The following RUNDC3B variants were observed in gnomAD, a reference collection of about 807,000 sequenced individuals.
The protein encoded by RUNDC3B is RUN domain containing 3B.
In RUNDC3B, 33 loss-of-function variants were observed where a neutral mutation model predicts 58.4. That is an observed-to-expected ratio of 0.56 (90% confidence interval 0.43 to 0.75). The LOEUF is 0.75. RUNDC3B is among the 30% of genes least tolerant of loss of function. RUNDC3B has a pLI of 0.00. For synonymous variants in RUNDC3B, 193 were observed against 195.2 expected, an observed-to-expected ratio of 0.99 and a Z score of 0.10; for missense variants, 501 against 535.7, an observed-to-expected ratio of 0.94 and a Z score of 0.64.
intron 8 of RUNDC3B, among the ~76,000 whole-genome samples, chr7:87,787,694 T>A (rs1835296646): frequency 6.6e-6 from 1 of 152,166 alleles, no homozygotes; most frequent in Non-Finnish European, 1.5e-5. Context: ...TTCATCTATA[T>A]AACAGAGATA....
At chr7:87,643,996 C>T (rs1265897818) in intron 1 of RUNDC3B, among the ~76,000 whole-genome samples, 1 of 152,292 alleles carries the variant, frequency 6.6e-6, no homozygotes. Context: ...GTAGCTGGGA[C>T]TACAAGTGTG....
At chr7:87,706,878 G>A (rs779276422) in intron 3 of RUNDC3B, among the ~76,000 whole-genome samples, 3 of 152,192 alleles carry the variant, frequency 2.0e-5, no homozygotes, top group Non-Finnish European at 4.4e-5. Flanking sequence ...GAAAGCAGCA[G>A]GGAAGAGGTA....
In RUNDC3B at chr7:87,711,361, T is replaced by C. The variant is rs533365656; in HGVS notation, c.458+706T>C. On this transcript the variant is annotated intron_variant, in intron 4 of 10. Coordinates refer to ENST00000394654, the MANE Select transcript of RUNDC3B (RefSeq NM_001134405.2). The stretch of plus-strand genomic sequence containing the variant: ...ATATATATAAAATTAATAATTTACT[T>C]ATTTAATTCATATGTATAATTAGTT... 1.3e-4 allele frequency among the ~76,000 whole-genome samples: 19 copies of C among 151,924 alleles called. No individual in the cohort carries two copies. In the South Asian group the frequency reaches 3.7e-3, roughly 30 times the overall value.
chr7:87,734,452 G>C (rs910965845), intron 4 of RUNDC3B, among the ~76,000 whole-genome samples: 1 of 152,082 alleles, frequency 6.6e-6, no homozygotes, highest in African/African-American at 2.4e-5. Context: ...TCTTCCTTTA[G>C]TTACCAACTT....
chr7:87,691,771 A>G (rs1456615806), intron 2 of RUNDC3B, among the ~76,000 whole-genome samples: 1 of 152,192 alleles, frequency 6.6e-6, no homozygotes, highest in Non-Finnish European at 1.5e-5. Flanking sequence ...CTAACCAACC[A>G]GGAAATACAA....
At chr7:87,718,213 T>C (rs190520798) in intron 4 of RUNDC3B, among the ~76,000 whole-genome samples, 24 of 152,260 alleles carry the variant, frequency 1.6e-4, no homozygotes, top group East Asian at 1.5e-3. Context: ...AGGAGTCCTT[T>C]CCCTGTGGAA....
intron 2 of RUNDC3B, among the ~76,000 whole-genome samples, chr7:87,668,254 G>T (rs1445026350): frequency 6.6e-6 from 1 of 151,776 alleles, no homozygotes; most frequent in Non-Finnish European, 1.5e-5. Context: ...TCTCTTCTAG[G>T]TTTTCTAGTT....
At chr7:87,694,794 A>G (rs567635859) in intron 2 of RUNDC3B, among the ~76,000 whole-genome samples, 1 of 152,314 alleles carries the variant, frequency 6.6e-6, no homozygotes, top group South Asian at 2.1e-4. Flanking sequence ...TTTCAGAGAG[A>G]GTAAAATTAC....
At chr7:87,652,869 T>G (rs184773699) in intron 2 of RUNDC3B, among the ~76,000 whole-genome samples, 1 of 152,042 alleles carries the variant, frequency 6.6e-6, no homozygotes, top group Non-Finnish European at 1.5e-5. Context: ...GAAGTACAAA[T>G]TAAAATTTTA....
In RUNDC3B at chr7:87,680,610, T is replaced by C. The variant is rs1024998844; in HGVS notation, c.239-19811T>C. On this transcript the variant is annotated intron_variant, in intron 2 of 10. Transcript: ENST00000394654. Reference sequence around the variant, plus strand: ...GAGTTTAAGGCCAGCCTGACTAACATGGTGAAACCCCGTTTCTACCAAAAA... The same window carrying C: ...GAGTTTAAGGCCAGCCTGACTAACACGGTGAAACCCCGTTTCTACCAAAAA... Among the ~76,000 whole-genome samples, 3 of 150,342 alleles carry C rather than the reference T, an allele frequency of 2.0e-5. No individual in the cohort carries two copies. The East Asian group carries it at 6.0e-4, about 30-fold the overall frequency.
intron 8 of RUNDC3B, among the ~76,000 whole-genome samples, chr7:87,793,028 C>G (rs145120148): frequency 2.0e-5 from 3 of 152,150 alleles, no homozygotes; most frequent in African/African-American, 7.2e-5. Flanking sequence ...ACAACTGATT[C>G]TGCAGAAATT....
chr7:87,829,026 A>ATCACC (rs1837989381), intron 10 of RUNDC3B, among the ~76,000 whole-genome samples: 1 of 152,120 alleles, frequency 6.6e-6, no homozygotes, highest in Non-Finnish European at 1.5e-5. Flanking sequence ...GACTGGTGTG[A>ATCACC]GATGGTATCT....
chr7:87,796,378 G>A (rs953576225), intron 8 of RUNDC3B, among the ~76,000 whole-genome samples: 25 of 151,960 alleles, frequency 1.6e-4, no homozygotes, highest in African/African-American at 4.8e-5. Flanking sequence ...TAATTAGAAT[G>A]AATAAGACCT....
At chr7:87,773,285 T>C (rs1421006203) in intron 7 of RUNDC3B, among the ~76,000 whole-genome samples, 1 of 137,726 alleles carries the variant, frequency 7.3e-6, no homozygotes, top group Non-Finnish European at 1.5e-5. Flanking sequence ...ATCGCGCCAC[T>C]GCACTCCAGC....
intron 4 of RUNDC3B, among the ~76,000 whole-genome samples, chr7:87,714,431 A>G (rs890335229): frequency 9.2e-5 from 14 of 152,324 alleles, no homozygotes; most frequent in African/African-American, 3.1e-4. Flanking sequence ...ATTCTTTAAC[A>G]TAACATTTGT....
intron 2 of RUNDC3B, among the ~76,000 whole-genome samples, chr7:87,655,252 G>A (rs1166370346): frequency 2.0e-5 from 3 of 152,076 alleles, no homozygotes; most frequent in Non-Finnish European, 2.9e-5. Flanking sequence ...TCAGTGTCTC[G>A]AAGAGTTATC....
intron 4 of RUNDC3B, among the ~76,000 whole-genome samples, chr7:87,721,056 G>C (rs946455139): frequency 1.5e-4 from 22 of 150,614 alleles, no homozygotes; most frequent in Non-Finnish European, 2.5e-4. Flanking sequence ...AAAGGAGATT[G>C]ACTAAATCAG....
intron 4 of RUNDC3B, among the ~76,000 whole-genome samples, chr7:87,736,822 A>G (rs1831963131): frequency 7.6e-6 from 1 of 132,418 alleles, no homozygotes; most frequent in South Asian, 2.4e-4. Context: ...ATATTTATAT[A>G]TGTTATATAT....
chr7:87,780,967 T>C (rs1834889811), intron 8 of RUNDC3B, among the ~76,000 whole-genome samples: 1 of 152,054 alleles, frequency 6.6e-6, no homozygotes, highest in Admixed American at 6.6e-5. Flanking sequence ...TTGGCTATTT[T>C]GGTTCCATAT....
Sources: allele counts gnomAD v4.1 joint callset (sites outside exome capture counted in the v4.1 genomes callset), GRCh38; gene constraint gnomAD v4.1.1; transcripts MANE v1.5; gene names NCBI Gene and HGNC (gene_info 2026-07-23, HGNC 2026-07-21).